The following SYBU variants were observed in gnomAD, a reference collection of about 807,000 sequenced individuals.
SYBU encodes syntabulin.
SYBU carries 21 observed loss-of-function variants against 35.9 expected under a neutral mutation model. The observed-to-expected ratio is 0.58, with a 90% CI of 0.41 to 0.84. SYBU has a LOEUF of 0.84. Ranked by LOEUF, SYBU falls within the 40% of genes least tolerant of loss-of-function variation. SYBU has a pLI of 0.00. For synonymous variants in SYBU, 319 were observed against 324.3 expected (o/e 0.98, Z 0.18); for missense variants, 768 against 848.2 (o/e 0.91, Z 1.17).
chr8:109,654,400 C>T (rs1488397810), intron 1 of SYBU, among the ~76,000 whole-genome samples: 4 of 152,144 alleles, frequency 2.6e-5, no homozygotes, highest in Non-Finnish European at 4.4e-5. Context: ...GTGAAATACT[C>T]GCACATTTTT....
At chr8:109,608,075 T>C in intron 3 of SYBU, 4 of 852,550 alleles carry the variant, frequency 4.7e-6, no homozygotes, top group Non-Finnish European at 3.5e-6. Context: ...GCCTTCTGCA[T>C]GTGCAGGGCA....
upstream of SYBU, among the ~76,000 whole-genome samples, chr8:109,682,203 G>C (rs767333376): frequency 3.9e-5 from 6 of 152,184 alleles, no homozygotes; most frequent in Non-Finnish European, 8.8e-5. Context: ...ATTGGTAGCA[G>C]GCAGAGGTTA....
intron 2 of SYBU, among the ~76,000 whole-genome samples, chr8:109,620,699 G>A (rs962051077): frequency 2.6e-5 from 4 of 151,994 alleles, no homozygotes; most frequent in East Asian, 1.9e-4. Flanking sequence ...AATACGTTGC[G>A]TTCTTCCTGA....
intron 2 of SYBU, among the ~76,000 whole-genome samples, chr8:109,632,523 G>GA (rs1239605031): frequency 6.6e-6 from 1 of 151,710 alleles, no homozygotes; most frequent in Non-Finnish European, 1.5e-5. Flanking sequence ...GATAAAAATG[G>GA]AAAAAAATAA....
At chr8:109,681,645 G>T (rs1407706833), upstream of SYBU, among the ~76,000 whole-genome samples, 1 of 152,014 alleles carries the variant, frequency 6.6e-6, no homozygotes, top group Non-Finnish European at 1.5e-5. Context: ...TTCAATAACT[G>T]GGAAAAAATA....
Position 109,644,740 on chromosome 8 carries a change from T to C in SYBU, c.-81A>G, listed in dbSNP as rs1815410771. On this transcript the variant is annotated 5_prime_UTR_variant, in exon 1 of 7. Coordinates refer to ENST00000276646, the MANE Select transcript of SYBU (RefSeq NM_001099754.2). ...ACCTGCGAGCACGGAGCGAGGAGACTGCGCTGAGCCGGCGCGGGCTGCGGG... is the reference window on the plus strand; with the variant it reads ...ACCTGCGAGCACGGAGCGAGGAGACCGCGCTGAGCCGGCGCGGGCTGCGGG... The C allele has an allele frequency of 7.7e-7, 1 of 1,303,924 alleles. No homozygotes were observed. Among genetic ancestry groups the C allele is most frequent in the African/African-American group, 1.6e-5 (1 of 63,674 alleles). 80.8% of individuals were successfully genotyped at this position (1,303,924 alleles called of 1,614,324 possible).
At chr8:109,659,357 C>T (rs1212200563) in intron 1 of SYBU, among the ~76,000 whole-genome samples, 1 of 152,186 alleles carries the variant, frequency 6.6e-6, no homozygotes, top group African/African-American at 2.4e-5. Context: ...GATGCTCCTT[C>T]TTGGCCTCAG....
chr8:109,643,763 T>C (rs762594705), intron 1 of SYBU: 1 of 305,006 alleles, frequency 3.3e-6, no homozygotes, highest in South Asian at 2.9e-5. Context: ...CACCAGACTG[T>C]ACATAGAGAG....
intron 1 of SYBU, among the ~76,000 whole-genome samples, chr8:109,675,815 A>T (rs998793500): frequency 2.6e-5 from 4 of 152,182 alleles, no homozygotes; most frequent in African/African-American, 9.7e-5. Context: ...CTGATACCAA[A>T]ACCTGGCAGA....
intron 3 of SYBU, among the ~76,000 whole-genome samples, chr8:109,611,922 T>A (rs1243605916): frequency 6.6e-6 from 1 of 152,246 alleles, no homozygotes; most frequent in Non-Finnish European, 1.5e-5. Context: ...ATCAGCTAAT[T>A]TATAAAAATT....
intron 1 of SYBU, among the ~76,000 whole-genome samples, chr8:109,670,749 A>G (rs974752415): frequency 6.6e-6 from 1 of 152,274 alleles, no homozygotes; most frequent in Admixed American, 6.5e-5. Context: ...GTTTTTACCA[A>G]ACAATCCTGA....
Position 109,575,721 on chromosome 8 carries a change from G to C in SYBU, c.1177C>G (p.Pro393Ala). 1 of 1,614,146 alleles carries C rather than the reference G, an allele frequency of 6.2e-7. No individual in the cohort carries two copies. The highest frequency in any genetic ancestry group is 8.5e-7 in the Non-Finnish European group (1 of 1,180,020). Residue 393 changes from proline (P) to alanine (A), a missense_variant, in exon 7 of 7, where the codon CCA becomes GCA. Physicochemically the swap from Pro to Ala is conservative, Grantham distance 27 (BLOSUM62 -1). Coordinates refer to ENST00000276646, the MANE Select transcript of SYBU (RefSeq NM_001099754.2). ...AAGCTCTTCTCTGGGGAATCACATGGAAAGTCTAGGCACAGTTCGTCCCTC... is the reference window on the plus strand; with the variant it reads ...AAGCTCTTCTCTGGGGAATCACATGCAAAGTCTAGGCACAGTTCGTCCCTC... Reference protein sequence around the residue: ...SLRDELCLDFPCDSPEKSLTL... With the variant: ...SLRDELCLDFACDSPEKSLTL...
At chr8:109,631,820 A>G (rs930456391) in intron 2 of SYBU, among the ~76,000 whole-genome samples, 21 of 152,030 alleles carry the variant, frequency 1.4e-4, no homozygotes, top group African/African-American at 5.1e-4. Context: ...TTTCTTTCAT[A>G]CGGTTATGAT....
At chr8:109,642,404 C>A (rs1373905932) in intron 2 of SYBU, among the ~76,000 whole-genome samples, 1 of 152,098 alleles carries the variant, frequency 6.6e-6, no homozygotes, top group East Asian at 1.9e-4. Context: ...TGTAACAAAC[C>A]TGCATGTTCT....
intron 1 of SYBU, among the ~76,000 whole-genome samples, chr8:109,666,824 A>T (rs1816770908): frequency 6.6e-6 from 1 of 152,192 alleles, no homozygotes; most frequent in African/African-American, 2.4e-5. Flanking sequence ...TATTAATAAT[A>T]AACTATACTA....
chr8:109,642,710 C>T lies in SYBU; in HGVS notation c.229+18G>A, dbSNP rs1433159515. The T allele has an allele frequency of 2.6e-6, 4 of 1,552,294 alleles. No individual in the cohort carries two copies. Among genetic ancestry groups the T allele is most frequent in the Admixed American group, 3.9e-5 (2 of 51,060 alleles). ...GCACACGCTTCACGCCTCTGGTGGC[C>T]TCCCGAGGGTACTGTACCTGAGCAG... On this transcript the variant is annotated intron_variant, in intron 2 of 6. Transcript: ENST00000276646.
At chr8:109,630,489 G>T (rs1031447965) in intron 2 of SYBU, among the ~76,000 whole-genome samples, 2 of 151,960 alleles carry the variant, frequency 1.3e-5, no homozygotes, top group East Asian at 1.9e-4. Flanking sequence ...TACCGTAATA[G>T]AAATGAGAGG....
rs774072810 is a variant in SYBU, at chr8:109,577,888, A to G, written c.864T>C (p.Ser288=). ...VRHLKTKLKE[S]ERRLHERESE... The stretch of plus-strand genomic sequence containing the variant: ...TTCACCTTTCATGGAGTCGGCGCTC[A>G]GATTCCTTCAGCTTGGTTTTGAGGT... The change falls in exon 6 of 7, where the codon TCT becomes TCC. Residue 288 remains serine, a synonymous_variant. Transcript: ENST00000276646. 25 of 1,613,510 alleles carry G rather than the reference A, an allele frequency of 1.5e-5. No homozygotes were observed. The highest frequency in any genetic ancestry group is 2.1e-5 in the Non-Finnish European group (25 of 1,179,722).
At chr8:109,635,096 G>A (rs1234716529) in intron 2 of SYBU, among the ~76,000 whole-genome samples, 15 of 152,080 alleles carry the variant, frequency 9.9e-5, no homozygotes, top group Admixed American at 9.8e-4. Flanking sequence ...TCTATACTTT[G>A]TTACCTCTCA....
Sources: allele counts gnomAD v4.1 joint callset (sites outside exome capture counted in the v4.1 genomes callset), GRCh38; gene constraint gnomAD v4.1.1; transcripts MANE v1.5; gene names NCBI Gene and HGNC (gene_info 2026-07-23, HGNC 2026-07-21).